The following CDH23 variants were observed in gnomAD, a reference collection of about 807,000 sequenced individuals.
The protein encoded by CDH23 is cadherin related 23.
In CDH23, 189 loss-of-function variants were observed where a neutral mutation model predicts 317.1. The ratio of observed to expected loss-of-function variants is 0.60; its 90% CI spans 0.53 to 0.67. The LOEUF (loss-of-function observed/expected upper bound fraction) is 0.67. Among genes scored for constraint, CDH23 ranks in the 30% least tolerant of loss-of-function variants. The pLI, the probability that CDH23 is intolerant of heterozygous loss-of-function variation, is 0.00. For synonymous variants in CDH23, 1,839 were observed against 1,876.8 expected, an observed-to-expected ratio of 0.98 and a Z score of 0.52; for missense variants, 4,401 against 4,592.4, an observed-to-expected ratio of 0.96 and a Z score of 1.20.
At chr10:71,640,891 A>G (rs532639197) in intron 11 of CDH23, among the ~76,000 whole-genome samples, 1 of 152,316 alleles carries the variant, frequency 6.6e-6, no homozygotes, top group Non-Finnish European at 1.5e-5. Flanking sequence ...TGGTCCCAGG[A>G]CCACACTTGG....
At chr10:71,783,426 A>G (rs1841010668) in intron 41 of CDH23, among the ~76,000 whole-genome samples, 1 of 152,198 alleles carries the variant, frequency 6.6e-6, no homozygotes, top group Non-Finnish European at 1.5e-5. Flanking sequence ...CTGGGTTTGA[A>G]TCCTGGTCTG....
rs534575559 is a variant in CDH23 at position 71,807,705 on chromosome 10, G to A, written c.8498G>A (p.Arg2833His). Residue 2833 changes from arginine (R) to histidine (H), a missense_variant, in exon 59 of 70, where the codon CGC (arginine) becomes CAC (histidine). Coordinates refer to ENST00000224721, the MANE Select transcript of CDH23 (RefSeq NM_022124.6). ...LVADLTLQEV[R>H]VVLEDINDQP... Reference sequence around the variant, plus strand: ...GCTGACCTCACACTGCAGGAGGTGCGCGTTGTGCTAGAGGACATCAACGAC... The same window carrying A: ...GCTGACCTCACACTGCAGGAGGTGCACGTTGTGCTAGAGGACATCAACGAC... 88 of 1,612,536 alleles carry A rather than the reference G, an allele frequency of 5.5e-5. No homozygotes were observed. In the Middle Eastern group the frequency reaches 6.6e-4, roughly 12 times the overall value.
intron 3 of CDH23, among the ~76,000 whole-genome samples, chr10:71,486,229 C>T (rs1010547605): frequency 1.3e-5 from 2 of 152,192 alleles, no homozygotes; most frequent in Non-Finnish European, 2.9e-5. Context: ...TAGTCCCTGT[C>T]TCCTCTGCAT....
intron 11 of CDH23, among the ~76,000 whole-genome samples, chr10:71,634,394 C>T (rs1490477055): frequency 6.6e-6 from 1 of 152,246 alleles, no homozygotes; most frequent in Non-Finnish European, 1.5e-5. Context: ...TGCCCCAACC[C>T]CAGCCAAAAG....
chr10:71,615,220 T>C (rs1861114127), intron 9 of CDH23, among the ~76,000 whole-genome samples: 1 of 152,142 alleles, frequency 6.6e-6, no homozygotes, highest in Non-Finnish European at 1.5e-5. Context: ...TGTTAAAGCA[T>C]AGTAGCACCA....
chr10:71,668,215 G>A (rs1040510631), intron 14 of CDH23, among the ~76,000 whole-genome samples: 9 of 152,122 alleles, frequency 5.9e-5, no homozygotes, highest in Non-Finnish European at 1.0e-4. Context: ...CACCTTTGCT[G>A]GCAGGCATAG....
chr10:71,682,018 A>G (rs1864673585), intron 17 of CDH23, among the ~76,000 whole-genome samples: 1 of 152,040 alleles, frequency 6.6e-6, no homozygotes, highest in Non-Finnish European at 1.5e-5. Flanking sequence ...TGACGGGGAA[A>G]ATCCATAAAG....
At position 71,774,776 on chromosome 10, in the gene CDH23, G is replaced by A. The variant is rs183227328; in HGVS notation, c.4846-2904G>A. The stretch of plus-strand genomic sequence containing the variant: ...TTTTTCTGGCACTTTAGGGATCTTG[G>A]GTTAATAGGTGACTCCTAGGCTGAG... On this transcript the variant is annotated intron_variant, in intron 38 of 69. Coordinates refer to ENST00000224721, the MANE Select transcript of CDH23 (RefSeq NM_022124.6). Among the ~76,000 whole-genome samples the A allele has an allele frequency of 1.3e-3, 196 of 152,292 alleles. No individual in the cohort carries two copies. The South Asian group carries it at 0.017, about 14-fold the overall frequency.
intron 9 of CDH23, among the ~76,000 whole-genome samples, chr10:71,603,951 G>A (rs1467040904): frequency 3.9e-5 from 6 of 152,192 alleles, no homozygotes; most frequent in African/African-American, 1.4e-4. Flanking sequence ...GCAGAAGCAC[G>A]CATCTTCCCC....
At chr10:71,420,398 G>GTGATGGTGATGA (rs1848701124) in intron 1 of CDH23, among the ~76,000 whole-genome samples, 1 of 65,020 alleles carries the variant, frequency 1.5e-5, no homozygotes, top group Non-Finnish European at 3.4e-5. Context: ...GATGATGATG[G>GTGATGGTGATGA]TGATGGTGAT....
Position 71,789,032 on chromosome 10 carries a change from C to G in CDH23, c.5913C>G (p.Asn1971Lys), listed in dbSNP as rs1382136376. 6.4e-7 allele frequency: 1 copy of G among 1,554,524 alleles called. No homozygotes were observed. Among genetic ancestry groups the G allele is most frequent in the Non-Finnish European group, 8.9e-7 (1 of 1,125,894 alleles). Residue 1971 changes from asparagine (N) to lysine (K), a missense_variant, in exon 45 of 70, where the codon AAC becomes AAG. This residue lies in a region of CDH23 where 3,068 missense variants were observed against 3,203.3 expected (regional missense o/e 0.96). Coordinates refer to ENST00000224721, the MANE Select transcript of CDH23 (RefSeq NM_022124.6). ...KSTYQAEVME[N>K]SPAGTPLTVL... The stretch of plus-strand genomic sequence containing the variant: ...CCTACCAGGCAGAGGTGATGGAAAA[C>G]TCTCCCGCTGGTAGGTGCTGGGCCC...
At chr10:71,612,078 C>T (rs561865937) in intron 9 of CDH23, among the ~76,000 whole-genome samples, 150 of 152,250 alleles carry the variant, frequency 9.9e-4, no homozygotes, top group South Asian at 6.4e-3. Flanking sequence ...AACATCTTAC[C>T]GAGCATCTCA....
At chr10:71,408,965 G>A (rs867848535) in intron 1 of CDH23, among the ~76,000 whole-genome samples, 1 of 152,240 alleles carries the variant, frequency 6.6e-6, no homozygotes, top group Non-Finnish European at 1.5e-5. Flanking sequence ...GTGTGTGTGT[G>A]TGCATGTGCA....
chr10:71,549,507 G>A (rs962474292), intron 6 of CDH23, among the ~76,000 whole-genome samples: 1 of 152,312 alleles, frequency 6.6e-6, no homozygotes, highest in African/African-American at 2.4e-5. Context: ...GTCCTCCAGG[G>A]AAAGATGCTC....
chr10:71,531,232 A>G (rs891798078), intron 6 of CDH23, among the ~76,000 whole-genome samples: 1 of 152,138 alleles, frequency 6.6e-6, no homozygotes, highest in Non-Finnish European at 1.5e-5. Flanking sequence ...CAGGGTTTAT[A>G]AAGAGCAAAG....
chr10:71,528,129 G>A (rs1412679791), intron 6 of CDH23, among the ~76,000 whole-genome samples: 1 of 152,176 alleles, frequency 6.6e-6, no homozygotes, highest in Non-Finnish European at 1.5e-5. Context: ...CCAGGCCGTG[G>A]CCTGGCTGAA....
chr10:71,403,448 CCTTCCTTTCCTTCCTTCCTT>C lies in CDH23; in HGVS notation c.-6+6132_-6+6151del, dbSNP rs1366235783. Among the ~76,000 whole-genome samples the C allele has an allele frequency of 5.3e-4, 33 of 62,418 alleles. 1 individual carries two copies. Among genetic ancestry groups the C allele is most frequent in the South Asian group, 2.6e-3 (5 of 1,904 alleles). The allele number at this position is 62,418 out of a possible 152,430, so 40.9% of individuals were successfully genotyped here. On this transcript the variant is annotated intron_variant, in intron 1 of 69. Coordinates refer to ENST00000224721, the MANE Select transcript of CDH23 (RefSeq NM_022124.6). Reference sequence around the variant, plus strand: ...TCCTTCCTTCCTTCCTTCCTTCCTTCCTTCCTTTCCTTCCTTCCTTCCTTCCTTCCTTCCTTCCTTCCTTC... The same window carrying C: ...TCCTTCCTTCCTTCCTTCCTTCCTTCCCTTCCTTCCTTCCTTCCTTCCTTC...
At chr10:71,742,682 G>A (rs1839769937) in intron 38 of CDH23, among the ~76,000 whole-genome samples, 1 of 152,238 alleles carries the variant, frequency 6.6e-6, no homozygotes, top group African/African-American at 2.4e-5. Context: ...CCTCATAGGT[G>A]TTGTTTGGGG....
chr10:71,675,054 T>A, intron 14 of CDH23, 58 bp from the exon 15 acceptor site: 1 of 1,502,770 alleles, frequency 6.7e-7, no homozygotes, highest in Non-Finnish European at 9.3e-7. Context: ...GGGTTTCCTG[T>A]GGACCTGAAG....
Sources: allele counts gnomAD v4.1 joint callset (sites outside exome capture counted in the v4.1 genomes callset), GRCh38; gene constraint gnomAD v4.1.1; regional missense constraint gnomAD v4.1.1; transcripts MANE v1.5; gene names NCBI Gene and HGNC (gene_info 2026-07-23, HGNC 2026-07-21).